Variants in MELTF observed in about 807,000 individuals in gnomAD.
MELTF encodes antigen p97 (melanoma associated) identified by monoclonal antibodies 133.2 and 96.5.
In MELTF, 67 loss-of-function variants were observed where a neutral mutation model predicts 83.7. That is an observed-to-expected ratio of 0.80 (90% confidence interval 0.66 to 0.98). MELTF has a LOEUF of 0.98. Among genes scored for constraint, MELTF ranks in the 50% least tolerant of loss-of-function variants. The probability of loss-of-function intolerance (pLI) is 0.00; values close to 1 mark genes in which losing one functional copy is unlikely to be tolerated. For synonymous variants in MELTF, 462 were observed against 447.6 expected (o/e 1.03, Z -0.41); for missense variants, 1,002 against 1,035.6 (o/e 0.97, Z 0.44).
Position 197,026,919 on chromosome 3 carries a change from C to T in MELTF, c.205-160G>A, listed in dbSNP as rs1210374335. Reference sequence around the variant, plus strand: ...AGCCCAACCAGAGCCCAGGGCTCTCCCCCTTTCCCAGGCCAGGGATTCACC... The same window carrying T: ...AGCCCAACCAGAGCCCAGGGCTCTCTCCCTTTCCCAGGCCAGGGATTCACC... On this transcript the variant is annotated intron_variant, in intron 2 of 15. Transcript: ENST00000296350. 4 of 590,438 alleles carry T rather than the reference C, an allele frequency of 6.8e-6. No individual in the cohort carries two copies. The East Asian group carries it at 8.3e-5, about 12-fold the overall frequency. 36.6% of individuals were successfully genotyped at this position (590,438 alleles called of 1,614,324 possible).
rs991169100 is a variant in MELTF, at chr3:197,002,344, T to C, written c.*1028A>G. The C allele has an allele frequency of 6.6e-6, 1 of 152,276 alleles. No homozygotes were observed. Among genetic ancestry groups the C allele is most frequent in the African/African-American group, 2.4e-5 (1 of 41,458 alleles). The allele number at this position is 152,276 out of a possible 1,614,324, so 9.4% of individuals were successfully genotyped here. On this transcript the variant is annotated 3_prime_UTR_variant, in exon 16 of 16. Transcript: ENST00000296350. ...TTCATTTTTTTTAAGGGCTGCCAGT[T>C]CTGGAAACTTTTTCTGGCTTCTCAG...
At chr3:197,023,235 A>G in intron 4 of MELTF, 122 bp from the exon 5 acceptor site, 1 of 1,021,590 alleles carries the variant, frequency 9.8e-7, no homozygotes, top group Non-Finnish European at 1.4e-6. Flanking sequence ...TCCACCTTCC[A>G]GCTTCAGTCT....
chr3:197,003,934 C>G lies in MELTF; in HGVS notation c.2104G>C (p.Glu702Gln), dbSNP rs1000382853. Residue 702 changes from glutamate to glutamine, a missense_variant, in exon 15 of 16, where the codon GAA (glutamate) becomes CAA (glutamine). Glu to Gln is a conservative substitution (Grantham distance 29). Transcript: ENST00000296350. This position sits in a 1 kb window ranked among gnomAD's most constrained non-coding sequence, Gnocchi z 6.2. ...GAGCACTGCTGAGACGACATCCCTT[C>G]CAGCGCCGCCACGTAGTCCAGCCCC... ...WLGLDYVAAL[E>Q]GMSSQQCSGA... The G allele has an allele frequency of 6.2e-7, 1 of 1,614,054 alleles. No individual in the cohort carries two copies. The highest frequency in any genetic ancestry group is 8.5e-7 in the Non-Finnish European group (1 of 1,180,012).
Position 197,006,232 on chromosome 3 carries a change from G to A in MELTF, c.1938+317C>T, listed in dbSNP as rs1057179307. 6.7e-4 allele frequency among the ~76,000 whole-genome samples: 102 copies of A among 151,460 alleles called. No homozygotes were observed. The highest frequency in any genetic ancestry group is 2.3e-3 in the African/African-American group (97 of 41,296). On this transcript the variant is annotated intron_variant, in intron 14 of 15. Transcript: ENST00000296350. The surrounding 1 kb of genome is among the most constrained non-coding windows in gnomAD (Gnocchi z 5.4). ...GTAAGACTCCGTCTCAAAAAAAAAA[G>A]AAAAAAAGGGAGCAGGATTACAGCT... is the stretch of plus-strand genomic sequence containing the variant.
At position 197,008,705 on chromosome 3, in the gene MELTF, C is replaced by T. The variant is rs755659275; in HGVS notation, c.1702G>A (p.Gly568Ser). 40 of 1,614,012 alleles carry T rather than the reference C, an allele frequency of 2.5e-5. No individual in the cohort carries two copies. Among genetic ancestry groups the T allele is most frequent in the Non-Finnish European group, 2.5e-5 (30 of 1,180,020 alleles). Residue 568 changes from glycine to serine, a missense_variant, in exon 13 of 16, where the codon GGT becomes AGT. By Grantham distance (56) the Gly-to-Ser change is moderately conservative. Transcript: ENST00000296350. The surrounding 1 kb of genome is among the most constrained non-coding windows in gnomAD (Gnocchi z 5.4). ...GTGTGCCTGACGAAGGCAACGTCAC[C>T]CGCATTCTCCACCAGGCACCTGCCA... The part of the protein sequence containing the change: ...GAFRCLVENA[G>S]DVAFVRHTTV...
At chr3:197,021,294 C>T (rs1445321393) in intron 6 of MELTF, 110 bp downstream of exon 6, 4 of 959,580 alleles carry the variant, frequency 4.2e-6, no homozygotes, top group Non-Finnish European at 6.4e-6. Flanking sequence ...AGACTCAGAG[C>T]AGCACTGCAC....
At chr3:197,017,863 C>T (rs891629972) in intron 6 of MELTF, among the ~76,000 whole-genome samples, 6 of 152,038 alleles carry the variant, frequency 3.9e-5, no homozygotes, top group East Asian at 1.9e-4. Flanking sequence ...GGCGACAGAG[C>T]GAAACTCTGT....
rs765847917 is a variant in MELTF, at chr3:197,009,611, G to C, written c.1525+7C>G. 8.1e-6 allele frequency: 13 copies of C among 1,597,316 alleles called. No individual in the cohort carries two copies. In the South Asian group the frequency reaches 9.9e-5, roughly 12 times the overall value. ...CCCAGTCTGCGTTCCTAAAAAGGGG[G>C]GGGTACCTGTGAGGACGTCACAGTC... On this transcript the variant is annotated splice_region_variant and intron_variant, in intron 11 of 15. Coordinates refer to ENST00000296350, the MANE Select transcript of MELTF (RefSeq NM_005929.6).
chr3:197,012,101 G>A (rs1199365320), intron 9 of MELTF, among the ~76,000 whole-genome samples: 1 of 152,208 alleles, frequency 6.6e-6, no homozygotes, highest in Non-Finnish European at 1.5e-5. Context: ...CTCTGCACAA[G>A]GACAGGCTTC....
rs1288636106 is a variant in MELTF, at chr3:197,008,954, A to G, written c.1537T>C (p.Phe513Leu). Residue 513 changes from phenylalanine to leucine, a missense_variant, in exon 12 of 16, where the codon TTC (phenylalanine) becomes CTC (leucine). By Grantham distance (22) the Phe-to-Leu change is conservative. Transcript: ENST00000296350. The surrounding 1 kb of genome is among the most constrained non-coding windows in gnomAD (Gnocchi z 5.4). ...DCDVLTAVSE[F>L]FNASCVPVNN... ...ACGGGCACGCAGCTGGCATTGAAGA[A>G]CTCGCTCACTGCTGGGGTGGAGGGA... 3 of 1,613,536 alleles carry G rather than the reference A, an allele frequency of 1.9e-6. No homozygotes were observed. In the African/African-American group the frequency reaches 4.0e-5, roughly 22 times the overall value.
At chr3:197,005,948 C>CAG (rs1475322927) in intron 14 of MELTF, among the ~76,000 whole-genome samples, 1 of 150,116 alleles carries the variant, frequency 6.7e-6, no homozygotes, top group Non-Finnish European at 1.5e-5. Flanking sequence ...TGGCCGGGCA[C>CAG]AGTGGCTCAT....
At chr3:197,021,936 T>C (rs1421902071) in intron 5 of MELTF, among the ~76,000 whole-genome samples, 1 of 152,164 alleles carries the variant, frequency 6.6e-6, no homozygotes, top group Non-Finnish European at 1.5e-5. Context: ...TCATGGCAGC[T>C]TTGACCTCTT....
In MELTF at chr3:197,003,214, C is replaced by G. The variant is rs1316838624; in HGVS notation, c.*158G>C. On this transcript the variant is annotated 3_prime_UTR_variant, in exon 16 of 16. Transcript: ENST00000296350. This position sits in a 1 kb window ranked among gnomAD's most constrained non-coding sequence, Gnocchi z 6.2. ...CCGGGGGCGGCGCCTCAGGTAGCAG[C>G]GCCAGGTGGCGCCCGTGGGCGGCGG... The G allele has an allele frequency of 4.9e-6, 4 of 817,796 alleles. No individual in the cohort carries two copies. The South Asian group carries it at 1.7e-4, about 35-fold the overall frequency. The allele number at this position is 817,796 out of a possible 1,614,324, so 50.7% of individuals were successfully genotyped here. A position where few individuals can be genotyped will look rare whatever the true frequency, so the allele number is the denominator to read the frequency against.
rs1421026055 is a variant in MELTF, at chr3:197,024,730, C to T, written c.305-245G>A. ...GAGATATTGATGTATTCATTGATTT[C>T]CCCCTCTTCCTTCCCCAGCAGCTGG... On this transcript the variant is annotated intron_variant, in intron 3 of 15. Transcript: ENST00000296350. This position sits in a 1 kb window ranked among gnomAD's most constrained non-coding sequence, Gnocchi z 5.3. 1.3e-5 allele frequency among the ~76,000 whole-genome samples: 2 copies of T among 152,166 alleles called. No individual in the cohort carries two copies. Among genetic ancestry groups the T allele is most frequent in the East Asian group, 3.8e-4 (2 of 5,200 alleles).
rs1718822813 is a variant in MELTF at position 197,003,264 on chromosome 3, C to T, written c.*108G>A. On this transcript the variant is annotated 3_prime_UTR_variant, in exon 16 of 16. Coordinates refer to ENST00000296350, the MANE Select transcript of MELTF (RefSeq NM_005929.6). This position sits in a 1 kb window ranked among gnomAD's most constrained non-coding sequence, Gnocchi z 6.2. The stretch of plus-strand genomic sequence containing the variant: ...GGGCTCCCGGGGAGGCGCCTGCTCC[C>T]GCCCACGCCGGGCCCGGCCTTCGCG... The T allele has an allele frequency of 3.9e-6, 4 of 1,025,544 alleles. No individual in the cohort carries two copies. Among genetic ancestry groups the T allele is most frequent in the South Asian group, 4.6e-5 (1 of 21,678 alleles). The allele number at this position is 1,025,544 out of a possible 1,614,324, so 63.5% of individuals were successfully genotyped here.
At chr3:197,021,117 C>T (rs933490183) in intron 6 of MELTF, among the ~76,000 whole-genome samples, 1 of 152,220 alleles carries the variant, frequency 6.6e-6, no homozygotes, top group Non-Finnish European at 1.5e-5. Flanking sequence ...TCAGGTGGAA[C>T]CAGAACCCAA....
rs766586724 is a variant in MELTF, at chr3:197,016,283, G to A, written c.987C>T (p.Thr329=). 3.7e-6 allele frequency: 6 copies of A among 1,613,328 alleles called. No individual in the cohort carries two copies. The Admixed American group carries it at 6.7e-5, about 18-fold the overall frequency. The part of the protein sequence containing the change: ...GQKDLLFKDS[T]SELVPIATQT... ...GTGTGGCGATGGGCACAAGCTCCGAGGTAGAGTCTTTGAAGAGTAGATCCT... is the reference window on the plus strand; with the variant it reads ...GTGTGGCGATGGGCACAAGCTCCGAAGTAGAGTCTTTGAAGAGTAGATCCT... The change falls in exon 8 of 16, where the codon ACC becomes ACT. Residue 329 remains threonine (T), a synonymous_variant. Coordinates refer to ENST00000296350, the MANE Select transcript of MELTF (RefSeq NM_005929.6).
In MELTF at chr3:197,003,959, C is replaced by T. The variant is rs2108950477; in HGVS notation, c.2079G>A (p.Leu693=). 2.5e-6 allele frequency: 4 copies of T among 1,614,144 alleles called. No homozygotes were observed. In the South Asian group the frequency reaches 3.3e-5, roughly 13 times the overall value. Residue 693 remains leucine, a synonymous_variant, in exon 15 of 16, where the codon CTG becomes CTA. Coordinates refer to ENST00000296350, the MANE Select transcript of MELTF (RefSeq NM_005929.6). This position sits in a 1 kb window ranked among gnomAD's most constrained non-coding sequence, Gnocchi z 6.2. Reference sequence around the variant, plus strand: ...CCAGCGCCGCCACGTAGTCCAGCCCCAGCCAGCCGCGGTAGGTGGTTTTCT... The same window carrying T: ...CCAGCGCCGCCACGTAGTCCAGCCCTAGCCAGCCGCGGTAGGTGGTTTTCT... The part of the protein sequence containing the change: ...VGEKTTYRGW[L]GLDYVAALEG...
intron 9 of MELTF, among the ~76,000 whole-genome samples, chr3:197,013,721 C>T (rs867062396): frequency 1.3e-5 from 2 of 152,144 alleles, no homozygotes; most frequent in Non-Finnish European, 2.9e-5. Context: ...TCAGAACAGA[C>T]GTTTCTCAAA....
Sources: gnomAD v4.1 joint callset for allele counts (sites outside exome capture counted in the v4.1 genomes callset) on GRCh38, gnomAD v4.1.1 for gene constraint, Gnocchi (gnomAD v3.1) non-coding constraint, MANE v1.5 for transcripts, NCBI Gene and HGNC (gene_info 2026-07-23, HGNC 2026-07-21) for gene names.